Variants in ITGA11 observed in about 807,000 individuals in gnomAD.
ITGA11 encodes the protein integrin alpha-11.
In ITGA11, 97 loss-of-function variants were observed where a neutral mutation model predicts 141.9. The observed-to-expected ratio is 0.68, with a 90% CI of 0.58 to 0.81. The LOEUF is 0.81. Among genes scored for constraint, ITGA11 ranks in the 30% least tolerant of loss-of-function variants. The pLI, the probability that ITGA11 is intolerant of heterozygous loss-of-function variation, is 0.00. For missense variants in ITGA11, 1,387 were observed against 1,559.2 expected, an observed-to-expected ratio of 0.89 and a Z score of 1.86; for synonymous variants, 658 against 624.6, an observed-to-expected ratio of 1.05 and a Z score of -0.80.
intron 20 of ITGA11, among the ~76,000 whole-genome samples, chr15:68,317,781 T>C (rs899693294): frequency 3.9e-5 from 6 of 152,202 alleles, no homozygotes; most frequent in African/African-American, 1.4e-4. Flanking sequence ...ACAGTTATGA[T>C]GATTATTTGT....
At chr15:68,370,217 C>T (rs955011833) in intron 2 of ITGA11, among the ~76,000 whole-genome samples, 4 of 152,140 alleles carry the variant, frequency 2.6e-5, no homozygotes, top group Non-Finnish European at 4.4e-5. Flanking sequence ...TCTGTTATGG[C>T]GGCCGTAAGG....
At position 68,305,038 on chromosome 15, in the gene ITGA11, C is replaced by T. The variant is rs1020592439; in HGVS notation, c.3382-1153G>A. On this transcript the variant is annotated intron_variant, in intron 28 of 29. Coordinates refer to ENST00000315757, the MANE Select transcript of ITGA11 (RefSeq NM_001004439.2). This position sits in a 1 kb window ranked among gnomAD's most constrained non-coding sequence, Gnocchi z 4.6. ...TATGCTCTGCTCTGCTCTGCTCAAG[C>T]TCAAAGTAAAAAGTGCAGTCCTGGC... Among the ~76,000 whole-genome samples the T allele has an allele frequency of 1.6e-4, 24 of 152,358 alleles. No individual in the cohort carries two copies. The highest frequency in any genetic ancestry group is 5.5e-4 in the African/African-American group (23 of 41,584).
intron 1 of ITGA11, among the ~76,000 whole-genome samples, chr15:68,421,555 G>T (rs1027264217): frequency 2.6e-5 from 4 of 152,166 alleles, no homozygotes; most frequent in African/African-American, 9.7e-5. Flanking sequence ...GCCAGTGAGG[G>T]GGCTGTGGCC....
At chr15:68,314,197 A>G (rs1893492150) in intron 22 of ITGA11, among the ~76,000 whole-genome samples, 1 of 151,686 alleles carries the variant, frequency 6.6e-6, no homozygotes, top group South Asian at 2.1e-4. Context: ...AGGCGGGCCA[A>G]TCCTGCTGCC....
rs370485530 is a variant in ITGA11, at chr15:68,364,806, T to TG, written c.266-9dup. ...TGGACAGGGTGACCCTTCCTGGGGT[T>TG]GGGGGAGAAGTTCAGCTTGCAGCCC... On this transcript the variant is annotated splice_polypyrimidine_tract_variant and intron_variant, in intron 3 of 29. Transcript: ENST00000315757. 4 of 1,613,196 alleles carry TG rather than the reference T, an allele frequency of 2.5e-6. No homozygotes were observed. In the East Asian group the frequency reaches 6.7e-5, roughly 27 times the overall value.
chr15:68,379,462 T>C (rs754298355), intron 2 of ITGA11, among the ~76,000 whole-genome samples: 1 of 152,242 alleles, frequency 6.6e-6, no homozygotes, highest in Non-Finnish European at 1.5e-5. Context: ...GCTCAATCAC[T>C]GTTTGTTGAG....
At chr15:68,320,508 A>G in intron 19 of ITGA11, 116 bp from the exon 20 acceptor site, 2 of 738,682 alleles carry the variant, frequency 2.7e-6, no homozygotes, top group Non-Finnish European at 4.5e-6. Flanking sequence ...GCCTCTGCTC[A>G]TGGGAATAGC....
intron 20 of ITGA11, 32 bp downstream of exon 20, chr15:68,320,153 G>T (rs1893746515): frequency 1.2e-6 from 2 of 1,600,484 alleles, no homozygotes; most frequent in Admixed American, 1.7e-5. Flanking sequence ...GTGCCAGGCA[G>T]AGGCAGTCTG....
chr15:68,342,450 C>T (rs553272200), intron 10 of ITGA11, among the ~76,000 whole-genome samples: 2 of 152,330 alleles, frequency 1.3e-5, no homozygotes, highest in African/African-American at 2.4e-5. Flanking sequence ...AGGTCTGAGG[C>T]CACGCTGTGC....
At chr15:68,329,642 A>G (rs958723709) in intron 15 of ITGA11, among the ~76,000 whole-genome samples, 1 of 152,172 alleles carries the variant, frequency 6.6e-6, no homozygotes, top group South Asian at 2.1e-4. Context: ...AAGACCTGCT[A>G]GGTTCTGTGT....
intron 1 of ITGA11, 79 bp downstream of exon 1, chr15:68,431,936 T>C: frequency 1.9e-6 from 2 of 1,048,578 alleles, no homozygotes; most frequent in Non-Finnish European, 1.3e-6. Flanking sequence ...CGCGTCCCGA[T>C]CCTGGCCGCT....
Position 68,404,291 on chromosome 15 carries a change from C to T in ITGA11, c.53-1262G>A, listed in dbSNP as rs572477771. ...CCCTCTGAACCAGTTGACAAAGCTC[C>T]GTCTGGCTTCGGCAGGGGCTTCTGC... On this transcript the variant is annotated intron_variant, in intron 1 of 29. Coordinates refer to ENST00000315757, the MANE Select transcript of ITGA11 (RefSeq NM_001004439.2). 5.3e-5 allele frequency among the ~76,000 whole-genome samples: 8 copies of T among 152,228 alleles called. No individual in the cohort carries two copies. The South Asian group carries it at 6.2e-4, about 12-fold the overall frequency.
At chr15:68,368,521 T>C (rs1027430902) in intron 3 of ITGA11, among the ~76,000 whole-genome samples, 1 of 152,218 alleles carries the variant, frequency 6.6e-6, no homozygotes, top group Non-Finnish European at 1.5e-5. Flanking sequence ...GGCTGGGGGC[T>C]GTTCACAGCA....
chr15:68,307,580 A>T lies in ITGA11; in HGVS notation c.3285+6T>A. On this transcript the variant is annotated splice_donor_region_variant and intron_variant, in intron 27 of 29. Coordinates refer to ENST00000315757, the MANE Select transcript of ITGA11 (RefSeq NM_001004439.2). This position sits in a 1 kb window ranked among gnomAD's most constrained non-coding sequence, Gnocchi z 6.1. The stretch of plus-strand genomic sequence containing the variant: ...CCTTCCAGCCCAGCCCAGGGGCTCT[A>T]CTTACTGCTTTTAGGGACCTCAACC... 8.1e-6 allele frequency: 13 copies of T among 1,603,688 alleles called. No homozygotes were observed. The highest frequency in any genetic ancestry group is 1.1e-5 in the Non-Finnish European group (13 of 1,171,604).
At chr15:68,332,562 C>A in intron 12 of ITGA11, 84 bp from the exon 13 acceptor site, 1 of 1,471,260 alleles carries the variant, frequency 6.8e-7, no homozygotes, top group South Asian at 1.3e-5. Context: ...CAGAGGGAAG[C>A]CAAGGTCATC....
At chr15:68,356,718 C>T (rs1417089613) in intron 7 of ITGA11, among the ~76,000 whole-genome samples, 1 of 152,214 alleles carries the variant, frequency 6.6e-6, no homozygotes, top group Non-Finnish European at 1.5e-5. Context: ...TGGCAGAAGT[C>T]ATATTCTGGG....
At chr15:68,310,269 A>C (rs952305085) in intron 26 of ITGA11, among the ~76,000 whole-genome samples, 1 of 152,228 alleles carries the variant, frequency 6.6e-6, no homozygotes, top group Non-Finnish European at 1.5e-5. Context: ...TCAAACAATT[A>C]GAATTTATTA....
At chr15:68,416,254 A>G (rs1452601800) in intron 1 of ITGA11, among the ~76,000 whole-genome samples, 1 of 152,204 alleles carries the variant, frequency 6.6e-6, no homozygotes, top group Non-Finnish European at 1.5e-5. Flanking sequence ...CCAAATCAGA[A>G]AAAAACAATC....
At chr15:68,329,852 G>A (rs968732687) in intron 15 of ITGA11, among the ~76,000 whole-genome samples, 9 of 152,192 alleles carry the variant, frequency 5.9e-5, no homozygotes, top group African/African-American at 1.4e-4. Flanking sequence ...GGCTGCACAC[G>A]CACAGGCCCT....
Sources: allele counts gnomAD v4.1 joint callset (sites outside exome capture counted in the v4.1 genomes callset), GRCh38; gene constraint gnomAD v4.1.1; non-coding constraint Gnocchi (gnomAD v3.1); transcripts MANE v1.5; gene names NCBI Gene and HGNC (gene_info 2026-07-23, HGNC 2026-07-21).